USP31: variants seen among roughly 807,000 people sequenced by gnomAD.
The protein encoded by USP31 is ubiquitin specific peptidase 31, also known as ubiquitin carboxyl-terminal hydrolase 31.
A neutral mutation model predicts 119.4 loss-of-function variants in USP31; 44 were observed. That is an observed-to-expected ratio of 0.37 (90% CI 0.29 to 0.47). The LOEUF (loss-of-function observed/expected upper bound fraction) is 0.47, where lower values mean the gene tolerates loss of function less well. USP31 is among the 20% of genes least tolerant of loss of function. The pLI is 0.99. For missense variants in USP31, 1,643 were observed against 1,730.2 expected (o/e 0.95, Z 0.89); for synonymous variants, 749 against 705.6 (o/e 1.06, Z -0.97).
intron 2 of USP31, 41 bp downstream of exon 2, chr16:23,108,005 T>G (rs762884278): frequency 1.2e-5 from 19 of 1,578,850 alleles, no homozygotes; most frequent in East Asian, 1.1e-4. Flanking sequence ...CTACACACTC[T>G]CATGGCTGGC....
At chr16:23,102,123 A>T (rs955921368) in intron 6 of USP31, among the ~76,000 whole-genome samples, 196 bp downstream of exon 6, 8 of 152,142 alleles carry the variant, frequency 5.3e-5, no homozygotes, top group Admixed American at 2.6e-4. Context: ...ATCTTTGCCT[A>T]AAACAGTAAG....
At position 23,072,163 on chromosome 16, in the gene USP31, C is replaced by T; in HGVS notation, c.2370G>A (p.Val790=). 6.2e-7 allele frequency: 1 copy of T among 1,610,220 alleles called. No individual in the cohort carries two copies. The highest frequency in any genetic ancestry group is 8.5e-7 in the Non-Finnish European group (1 of 1,179,998). The change falls in exon 15 of 16, where the codon GTG becomes GTA. Residue 790 remains valine (V), a synonymous_variant. Transcript: ENST00000219689. The part of the protein sequence containing the change: ...STSSSLCEHW[V]SRLPGSKPAS... The stretch of plus-strand genomic sequence containing the variant: ...CTGGCTTGCTGCCCGGGAGCCGGCT[C>T]ACCCAGTGTTCACACAGGGAAGAAC...
rs1272508961 is a variant in USP31 at position 23,061,475 on chromosome 16, T to G, written c.*6571A>C. On this transcript the variant is annotated 3_prime_UTR_variant, in exon 16 of 16. Transcript: ENST00000219689. ...TTTCCACTTTTCTCTTAATTCCAAC[T>G]GTATACTATATAATCAACGCTGTTT... is the stretch of plus-strand genomic sequence containing the variant. The G allele has an allele frequency of 6.5e-6, 1 of 152,682 alleles. No individual in the cohort carries two copies. Among genetic ancestry groups the G allele is most frequent in the Non-Finnish European group, 1.5e-5 (1 of 68,046 alleles). 9.5% of individuals were successfully genotyped at this position (152,682 alleles called of 1,614,324 possible).
intron 1 of USP31, among the ~76,000 whole-genome samples, chr16:23,147,059 T>C (rs1168651061): frequency 4.6e-5 from 7 of 150,700 alleles, no homozygotes; most frequent in Non-Finnish European, 1.0e-4. Context: ...AAGATTAGGA[T>C]AGGAAAAAAA....
chr16:23,079,223 T>C (rs191498796), intron 13 of USP31: 2 of 149,332 alleles, frequency 1.3e-5, no homozygotes, highest in African/African-American at 2.4e-5. Flanking sequence ...CATTTTCTTA[T>C]GTATATTTTA....
intron 1 of USP31, among the ~76,000 whole-genome samples, chr16:23,134,079 T>C (rs1903111030): frequency 9.0e-6 from 1 of 111,684 alleles, no homozygotes; most frequent in South Asian, 2.8e-4. Context: ...CCTGTCTCTC[T>C]CTCTCTCTCT....
chr16:23,116,820 G>A (rs955993531), intron 1 of USP31, among the ~76,000 whole-genome samples: 2 of 152,136 alleles, frequency 1.3e-5, no homozygotes, highest in East Asian at 1.9e-4. Flanking sequence ...CAGGGAAAGG[G>A]GGCTTCCATC....
intron 1 of USP31, among the ~76,000 whole-genome samples, chr16:23,144,583 G>C (rs1156629377): frequency 1.3e-5 from 2 of 151,994 alleles, no homozygotes; most frequent in Non-Finnish European, 2.9e-5. Context: ...GGGTTCAAGA[G>C]ATTCTCGTGC....
At chr16:23,127,879 T>G (rs762311966) in intron 1 of USP31, among the ~76,000 whole-genome samples, 10 of 152,200 alleles carry the variant, frequency 6.6e-5, no homozygotes, top group Admixed American at 6.5e-5. Context: ...ACGGTCCTAG[T>G]AGAATATATG....
rs1460774956 is a variant in USP31 at position 23,061,637 on chromosome 16, A to G, written c.*6409T>C. 6.5e-6 allele frequency: 1 copy of G among 152,682 alleles called. No individual in the cohort carries two copies. Among genetic ancestry groups the G allele is most frequent in the African/African-American group, 2.4e-5 (1 of 41,470 alleles). 9.5% of individuals were successfully genotyped at this position (152,682 alleles called of 1,614,324 possible). A position where few individuals can be genotyped will look rare whatever the true frequency, so the allele number is the denominator to read the frequency against. On this transcript the variant is annotated 3_prime_UTR_variant, in exon 16 of 16. Transcript: ENST00000219689. ...GCACTTGTTCTAAAATAAATTTAAA[A>G]TGTACGATACACTTTTCTTCCAGCC...
chr16:23,132,983 A>G (rs1903074887), intron 1 of USP31, among the ~76,000 whole-genome samples: 1 of 152,218 alleles, frequency 6.6e-6, no homozygotes, highest in Non-Finnish European at 1.5e-5. Context: ...AAGTCAGAAG[A>G]AAGCAGCAAG....
chr16:23,094,741 C>T (rs1901526853), intron 6 of USP31, among the ~76,000 whole-genome samples: 2 of 152,258 alleles, frequency 1.3e-5, no homozygotes, highest in Admixed American at 1.3e-4. Context: ...CAGCAAACTC[C>T]AACAGACCTG....
intron 1 of USP31, among the ~76,000 whole-genome samples, chr16:23,120,162 G>A (rs1300154735): frequency 6.6e-6 from 1 of 152,100 alleles, no homozygotes; most frequent in African/African-American, 2.4e-5. Context: ...AGGAGGAAGG[G>A]GGGAAATTTT....
chr16:23,079,911 G>T (rs377331199), intron 13 of USP31, 35 bp downstream of exon 13: 256 of 1,547,758 alleles, frequency 1.7e-4, no homozygotes, highest in Non-Finnish European at 2.2e-4. Flanking sequence ...TGAAGGACTC[G>T]CCAGCACAGA....
At chr16:23,089,541 A>AT (rs1901260181) in intron 7 of USP31, among the ~76,000 whole-genome samples, 1 of 152,216 alleles carries the variant, frequency 6.6e-6, no homozygotes, top group African/African-American at 2.4e-5. Flanking sequence ...ATAAATATGC[A>AT]TATCAACACA....
chr16:23,109,614 T>C (rs1902239196), intron 1 of USP31, among the ~76,000 whole-genome samples: 2 of 151,872 alleles, frequency 1.3e-5, no homozygotes, highest in South Asian at 4.2e-4. Flanking sequence ...GACAGGAGAA[T>C]GGAAAGAGGA....
chr16:23,094,608 C>T (rs1338981354), intron 6 of USP31, among the ~76,000 whole-genome samples: 1 of 152,316 alleles, frequency 6.6e-6, no homozygotes, highest in East Asian at 1.9e-4. Flanking sequence ...AACCGACAGA[C>T]ACCTCATACA....
rs752886545 is a variant in USP31 at position 23,087,861 on chromosome 16, C to A, written c.1416-26G>T. On this transcript the variant is annotated intron_variant, in intron 7 of 15. Coordinates refer to ENST00000219689, the MANE Select transcript of USP31 (RefSeq NM_020718.4). ...CTAACACACATCAACAATGTAATCA[C>A]CTTTAAAGTACGGTAATTCCTTTAA... is the stretch of plus-strand genomic sequence containing the variant. The A allele has an allele frequency of 5.7e-6, 9 of 1,580,202 alleles. No homozygotes were observed. The Admixed American group carries it at 1.5e-4, about 27-fold the overall frequency.
intron 7 of USP31, among the ~76,000 whole-genome samples, chr16:23,088,739 T>C (rs1296576974): frequency 2.6e-5 from 4 of 152,258 alleles, no homozygotes; most frequent in Non-Finnish European, 5.9e-5. Context: ...TACTGTGCTA[T>C]AAACAATGCC....
Sources: allele counts gnomAD v4.1 joint callset (sites outside exome capture counted in the v4.1 genomes callset), GRCh38; gene constraint gnomAD v4.1.1; transcripts MANE v1.5; gene names NCBI Gene and HGNC (gene_info 2026-07-23, HGNC 2026-07-21).